Variants in WIPF1 observed in about 807,000 individuals in gnomAD.
WIPF1 encodes the protein WAS/WASL interacting protein family member 1, also known as WAS/WASL-interacting protein family member 1.
Under a neutral mutation model 35.4 loss-of-function variants are expected in WIPF1, and 13 were observed. The ratio of observed to expected loss-of-function variants is 0.37; its 90% CI spans 0.24 to 0.58. The LOEUF is 0.58. Ranked by LOEUF, WIPF1 falls within the 20% of genes least tolerant of loss-of-function variation. The pLI, the probability that WIPF1 is intolerant of heterozygous loss-of-function variation, is 0.74. For missense variants in WIPF1, 591 were observed against 667.0 expected, an observed-to-expected ratio of 0.89 and a Z score of 1.25; for synonymous variants, 267 against 266.3, an observed-to-expected ratio of 1.00 and a Z score of -0.02.
rs899005211 is a variant in WIPF1 at position 174,561,991 on chromosome 2, A to C, written c.*556T>G. The stretch of plus-strand genomic sequence containing the variant: ...TGTTTAAAATATATTAGAAATGTAA[A>C]AATTGTATATGGGGCTCACATTATA... On this transcript the variant is annotated 3_prime_UTR_variant, in exon 8 of 8. Transcript: ENST00000679041. 30 of 1,405,968 alleles carry C rather than the reference A, an allele frequency of 2.1e-5. No individual in the cohort carries two copies. The highest frequency in any genetic ancestry group is 2.8e-5 in the Non-Finnish European group (29 of 1,033,792). The allele number at this position is 1,405,968 out of a possible 1,614,324, so 87.1% of individuals were successfully genotyped here.
chr2:174,638,283 G>A (rs1267139957), intron 1 of WIPF1, among the ~76,000 whole-genome samples: 1 of 152,118 alleles, frequency 6.6e-6, no homozygotes, highest in African/African-American at 2.4e-5. Context: ...AATTGACATT[G>A]TAACTGTACA....
At chr2:174,651,561 C>A (rs1687533249) in intron 1 of WIPF1, among the ~76,000 whole-genome samples, 1 of 152,138 alleles carries the variant, frequency 6.6e-6, no homozygotes, top group Admixed American at 6.6e-5. Flanking sequence ...GCGAACTCCC[C>A]AATGTTTATC....
intron 1 of WIPF1, among the ~76,000 whole-genome samples, chr2:174,671,992 G>T (rs771982538): frequency 7.2e-5 from 11 of 152,080 alleles, no homozygotes; most frequent in Non-Finnish European, 1.6e-4. Context: ...CCTCCCCTTT[G>T]AAAATCACCA....
chr2:174,567,001 C>G, intron 7 of WIPF1, 69 bp downstream of exon 7: 1 of 1,495,788 alleles, frequency 6.7e-7, no homozygotes, highest in Non-Finnish European at 9.3e-7. Flanking sequence ...CCTGGACTTT[C>G]TATATAGCCC....
At chr2:174,574,816 A>G in intron 4 of WIPF1, 1 of 703,500 alleles carries the variant, frequency 1.4e-6, no homozygotes, top group South Asian at 1.5e-5. Context: ...GCGGCTCACA[A>G]GTATTTACTC....
chr2:174,649,320 G>A (rs1159406022), intron 1 of WIPF1, among the ~76,000 whole-genome samples: 1 of 152,168 alleles, frequency 6.6e-6, no homozygotes, highest in African/African-American at 2.4e-5. Flanking sequence ...TCTGGCTGGG[G>A]AGAGATTGCT....
At chr2:174,593,962 A>G (rs1195228688) in intron 1 of WIPF1, among the ~76,000 whole-genome samples, 1 of 152,246 alleles carries the variant, frequency 6.6e-6, no homozygotes, top group Non-Finnish European at 1.5e-5. Flanking sequence ...AAAGGCAGAG[A>G]AGAGGAAAAC....
rs1345251722 is a variant in WIPF1 at position 174,590,171 on chromosome 2, G to A, written c.-38-4560C>T. On this transcript the variant is annotated intron_variant, in intron 1 of 7. Coordinates refer to ENST00000679041, the MANE Select transcript of WIPF1 (RefSeq NM_001375834.1). The surrounding 1 kb of genome is among the most constrained non-coding windows in gnomAD (Gnocchi z 4.6). Reference sequence around the variant, plus strand: ...GAAAAAGGGAGAACATGAGACCTTGGTCAGGCAAATTTGGTTCTGAATCCT... The same window carrying A: ...GAAAAAGGGAGAACATGAGACCTTGATCAGGCAAATTTGGTTCTGAATCCT... Among the ~76,000 whole-genome samples the A allele has an allele frequency of 6.6e-6, 1 of 152,228 alleles. No individual in the cohort carries two copies. Among genetic ancestry groups the A allele is most frequent in the East Asian group, 1.9e-4 (1 of 5,208 alleles).
At chr2:174,644,254 A>G (rs1378509074) in intron 1 of WIPF1, among the ~76,000 whole-genome samples, 1 of 152,246 alleles carries the variant, frequency 6.6e-6, no homozygotes. Context: ...ACCTTTCTTC[A>G]TAAACATCAG....
At chr2:174,632,749 A>G (rs1383312951) in intron 1 of WIPF1, among the ~76,000 whole-genome samples, 1 of 149,358 alleles carries the variant, frequency 6.7e-6, no homozygotes, top group East Asian at 1.9e-4. Flanking sequence ...CATCAGGCCC[A>G]TCTGGAAAGT....
At chr2:174,673,744 T>C (rs1688068512) in intron 1 of WIPF1, 1 of 151,512 alleles carries the variant, frequency 6.6e-6, no homozygotes, top group African/African-American at 2.4e-5. Flanking sequence ...ACCCAGCCCA[T>C]AGAGGGTAAA....
At chr2:174,599,759 T>C (rs895067639), upstream of WIPF1, among the ~76,000 whole-genome samples, 1 of 151,938 alleles carries the variant, frequency 6.6e-6, no homozygotes, top group African/African-American at 2.4e-5. Flanking sequence ...TTTGAAGTTC[T>C]CTAAGTAAGA....
In WIPF1 at chr2:174,591,028, G is replaced by C. The variant is rs374053558; in HGVS notation, c.-38-5417C>G. 1.4e-3 allele frequency among the ~76,000 whole-genome samples: 209 copies of C among 152,306 alleles called. 1 individual carries two copies. Among genetic ancestry groups the C allele is most frequent in the African/African-American group, 4.6e-3 (192 of 41,556 alleles). On this transcript the variant is annotated intron_variant, in intron 1 of 7. Transcript: ENST00000679041. ...ATTTGGAGATAGGGTCTTTAAAGAG[G>C]TGATTAAGCTAAAATGAGGCCATTG...
In WIPF1 at chr2:174,585,514, G is replaced by A; in HGVS notation, c.51+9C>T. ...ATGCATAGAAAGTGTTTGGGGAGGA[G>A]ACACTCACCAGTGCAAACGTCGGGG... On this transcript the variant is annotated intron_variant, in intron 2 of 7. Transcript: ENST00000679041. The A allele has an allele frequency of 7.8e-7, 1 of 1,284,400 alleles. No individual in the cohort carries two copies. Among genetic ancestry groups the A allele is most frequent in the Non-Finnish European group, 1.1e-6 (1 of 948,598 alleles). 79.6% of individuals were successfully genotyped at this position (1,284,400 alleles called of 1,614,324 possible).
intron 3 of WIPF1, among the ~76,000 whole-genome samples, chr2:174,579,495 G>A (rs989976540): frequency 1.3e-5 from 2 of 152,120 alleles, no homozygotes; most frequent in Admixed American, 1.3e-4. Flanking sequence ...ACAAAACTGT[G>A]GATAAACACT....
intron 1 of WIPF1, among the ~76,000 whole-genome samples, chr2:174,611,338 C>G (rs1347080433): frequency 6.6e-6 from 1 of 152,108 alleles, no homozygotes; most frequent in Non-Finnish European, 1.5e-5. Context: ...GGGGGTTAGT[C>G]GTTTCAATCC....
At chr2:174,669,525 T>C (rs1687961342) in intron 1 of WIPF1, among the ~76,000 whole-genome samples, 2 of 152,234 alleles carry the variant, frequency 1.3e-5, no homozygotes, top group Non-Finnish European at 2.9e-5. Flanking sequence ...ATTGCTGCAA[T>C]TATCTGCTAT....
chr2:174,605,343 CAGG>C (rs1429059361), intron 1 of WIPF1, among the ~76,000 whole-genome samples: 1 of 152,076 alleles, frequency 6.6e-6, no homozygotes, highest in Non-Finnish European at 1.5e-5. Flanking sequence ...GAGGCTAAGG[CAGG>C]AGAATTGCTT....
intron 1 of WIPF1, among the ~76,000 whole-genome samples, chr2:174,591,374 C>T (rs913235105): frequency 1.3e-5 from 2 of 152,110 alleles, no homozygotes; most frequent in Non-Finnish European, 2.9e-5. Flanking sequence ...AAGATAATGG[C>T]CTTTGAATAA....
Sources: gnomAD v4.1 joint callset for allele counts (sites outside exome capture counted in the v4.1 genomes callset) on GRCh38, gnomAD v4.1.1 for gene constraint, Gnocchi (gnomAD v3.1) non-coding constraint, MANE v1.5 for transcripts, NCBI Gene and HGNC (gene_info 2026-07-23, HGNC 2026-07-21) for gene names.